FRS2: variants seen among roughly 807,000 people sequenced by gnomAD.
FRS2 encodes fibroblast growth factor receptor substrate 2.
In FRS2, 8 loss-of-function variants were observed where a neutral mutation model predicts 43.9. The ratio of observed to expected loss-of-function variants is 0.18; its 90% CI spans 0.11 to 0.33. The LOEUF (loss-of-function observed/expected upper bound fraction) is 0.33. Ranked by LOEUF, FRS2 falls within the 10% of genes least tolerant of loss-of-function variation. The pLI is 1.00. For missense variants in FRS2, 534 were observed against 627.6 expected, an observed-to-expected ratio of 0.85 and a Z score of 1.59; for synonymous variants, 219 against 220.3, an observed-to-expected ratio of 0.99 and a Z score of 0.05.
chr12:69,570,205 A>G, intron 5 of FRS2, 126 bp from the exon 6 acceptor site: 1 of 696,882 alleles, frequency 1.4e-6, no homozygotes, highest in Non-Finnish European at 2.6e-6. Flanking sequence ...ACGGCTACGT[A>G]GTCCATGCCT....
At chr12:69,526,289 T>C (rs201289825) in intron 1 of FRS2, among the ~76,000 whole-genome samples, 1 of 152,208 alleles carries the variant, frequency 6.6e-6, no homozygotes, top group African/African-American at 2.4e-5. Context: ...TCCAACTAAC[T>C]TAGGACATTA....
At chr12:69,561,568 A>G (rs1376149216) in intron 3 of FRS2, among the ~76,000 whole-genome samples, 3 of 152,156 alleles carry the variant, frequency 2.0e-5, no homozygotes, top group African/African-American at 7.2e-5. Context: ...AATACATTGA[A>G]ATCTCTTGTA....
chr12:69,496,875 A>G (rs1037154981), intron 1 of FRS2, among the ~76,000 whole-genome samples: 2 of 152,234 alleles, frequency 1.3e-5, no homozygotes, highest in African/African-American at 2.4e-5. Flanking sequence ...ACAGAGAACA[A>G]TTCTATGTGC....
chr12:69,504,523 G>T (rs1873750056), intron 1 of FRS2, among the ~76,000 whole-genome samples: 1 of 152,118 alleles, frequency 6.6e-6, no homozygotes, highest in Non-Finnish European at 1.5e-5. Flanking sequence ...GATTTATTGG[G>T]ATGTAATCCC....
chr12:69,546,084 C>G (rs1440771127), intron 3 of FRS2, among the ~76,000 whole-genome samples: 2 of 152,110 alleles, frequency 1.3e-5, no homozygotes, highest in Non-Finnish European at 2.9e-5. Context: ...GAAAAAACTT[C>G]TGAAACTCAA....
intron 1 of FRS2, among the ~76,000 whole-genome samples, chr12:69,487,934 G>T (rs1872105800): frequency 6.6e-6 from 1 of 152,198 alleles, no homozygotes; most frequent in African/African-American, 2.4e-5. Flanking sequence ...ATTGCAAGAG[G>T]ATTGGAATTA....
chr12:69,553,755 G>A (rs1879107613), intron 3 of FRS2, among the ~76,000 whole-genome samples: 1 of 152,206 alleles, frequency 6.6e-6, no homozygotes, highest in African/African-American at 2.4e-5. Flanking sequence ...GGCGTAGGTG[G>A]TAGGGAGGTG....
chr12:69,544,442 A>G (rs912403407), intron 3 of FRS2, among the ~76,000 whole-genome samples: 3 of 152,210 alleles, frequency 2.0e-5, no homozygotes, highest in Non-Finnish European at 4.4e-5. Flanking sequence ...GCAGTGGTTC[A>G]TGTCTGTAAT....
At chr12:69,556,903 C>T (rs1172843948) in intron 3 of FRS2, among the ~76,000 whole-genome samples, 1 of 152,130 alleles carries the variant, frequency 6.6e-6, no homozygotes, top group Non-Finnish European at 1.5e-5. Flanking sequence ...AAAATTCGTA[C>T]TGTGGTTTTA....
intron 4 of FRS2, among the ~76,000 whole-genome samples, chr12:69,566,973 T>C (rs917857931): frequency 6.6e-6 from 1 of 152,218 alleles, no homozygotes; most frequent in African/African-American, 2.4e-5. Context: ...TTCATGACTT[T>C]TGTCTGTCTC....
chr12:69,529,084 C>G (rs954331238), intron 1 of FRS2, among the ~76,000 whole-genome samples: 2 of 152,128 alleles, frequency 1.3e-5, no homozygotes, highest in Admixed American at 6.5e-5. Context: ...GAGCTGGACT[C>G]AGTTGGAGAA....
At chr12:69,491,334 G>A (rs1201149230) in intron 1 of FRS2, among the ~76,000 whole-genome samples, 2 of 151,928 alleles carry the variant, frequency 1.3e-5, no homozygotes, top group East Asian at 1.9e-4. Context: ...GAGCTCCAGC[G>A]ACCTGCCCAC....
chr12:69,503,452 A>G (rs956234244), intron 1 of FRS2, among the ~76,000 whole-genome samples: 1 of 152,144 alleles, frequency 6.6e-6, no homozygotes, highest in Non-Finnish European at 1.5e-5. Context: ...TTTACAGGGT[A>G]TATACATCAT....
chr12:69,570,984 T>C (rs1880705920), intron 6 of FRS2, among the ~76,000 whole-genome samples: 1 of 152,194 alleles, frequency 6.6e-6, no homozygotes, highest in South Asian at 2.1e-4. Flanking sequence ...GAATAGTGAG[T>C]TGGGCTCCCC....
At chr12:69,558,271 A>G (rs1382258952) in intron 3 of FRS2, among the ~76,000 whole-genome samples, 1 of 152,204 alleles carries the variant, frequency 6.6e-6, no homozygotes, top group African/African-American at 2.4e-5. Context: ...AGACAGTAAA[A>G]CACTATTAAT....
At chr12:69,485,082 AACACACACAC>A (rs71094716) in intron 1 of FRS2, among the ~76,000 whole-genome samples, 1,126 of 85,338 alleles carry the variant, frequency 0.013, 19 homozygotes, top group African/African-American at 0.05. Flanking sequence ...CTCATCTTAA[AACACACACAC>A]ACACACACAC....
At chr12:69,485,455 T>C (rs1871837030) in intron 1 of FRS2, among the ~76,000 whole-genome samples, 1 of 151,966 alleles carries the variant, frequency 6.6e-6, no homozygotes, top group Non-Finnish European at 1.5e-5. Context: ...GTGCTGGGAT[T>C]ACAGGCGTGA....
At chr12:69,526,926 T>C (rs907815506) in intron 1 of FRS2, among the ~76,000 whole-genome samples, 71 of 152,138 alleles carry the variant, frequency 4.7e-4, no homozygotes, top group African/African-American at 1.6e-3. Context: ...GGTTTCACCA[T>C]GTTATCCAGG....
intron 1 of FRS2, among the ~76,000 whole-genome samples, chr12:69,506,137 A>G (rs984054556): frequency 7.2e-5 from 11 of 152,168 alleles, no homozygotes; most frequent in Non-Finnish European, 1.3e-4. Flanking sequence ...AGACATGCTT[A>G]TATTGCATAA....
Sources: gnomAD v4.1 joint callset for allele counts (sites outside exome capture counted in the v4.1 genomes callset) on GRCh38, gnomAD v4.1.1 for gene constraint, MANE v1.5 for transcripts, NCBI Gene and HGNC (gene_info 2026-07-23, HGNC 2026-07-21) for gene names.